NLRC5: variants seen among roughly 807,000 people sequenced by gnomAD.
NLRC5 encodes the protein NLR family CARD domain containing 5.
A neutral mutation model predicts 206.9 loss-of-function variants in NLRC5; 114 were observed. The ratio of observed to expected loss-of-function variants is 0.55; its 90% confidence interval spans 0.47 to 0.64. The LOEUF (loss-of-function observed/expected upper bound fraction) is 0.64. NLRC5 is among the 30% of genes least tolerant of loss of function. The pLI is 0.00. For missense variants in NLRC5, 2,008 were observed against 2,305.5 expected (o/e 0.87, Z 2.64); for synonymous variants, 952 against 962.8 (o/e 0.99, Z 0.21).
At chr16:57,061,776 C>G in intron 32 of NLRC5, 75 bp downstream of exon 32, 6 of 1,560,028 alleles carry the variant, frequency 3.8e-6, no homozygotes, top group Non-Finnish European at 5.2e-6. Flanking sequence ...GAGTAAGAGG[C>G]CCCCAGGATC....
intron 23 of NLRC5, among the ~76,000 whole-genome samples, chr16:57,049,087 A>G (rs1394666136): frequency 6.6e-6 from 1 of 151,800 alleles, no homozygotes; most frequent in Non-Finnish European, 1.5e-5. Flanking sequence ...ATACACTAAC[A>G]CTAGCGATAG....
chr16:57,029,995 C>T lies in NLRC5; in HGVS notation c.2328C>T (p.Asp776=). The T allele has an allele frequency of 6.2e-7, 1 of 1,614,146 alleles. No homozygotes were observed. The highest frequency in any genetic ancestry group is 8.5e-7 in the Non-Finnish European group (1 of 1,179,996). The change falls in exon 10 of 49, where the codon GAC becomes GAT. Residue 776 remains aspartate, a splice_region_variant and synonymous_variant. Transcript: ENST00000688547. The part of the protein sequence containing the change: ...LPHLPRLRKL[D]LSSNSICVST... ...TGACACCTTTGCCACAATCTTGCAG[C>T]CTGAGCAGCAACAGCATCTGCGTGT...
At position 57,023,442 on chromosome 16, in the gene NLRC5, A is replaced by G. The variant is rs368755124; in HGVS notation, c.356-343A>G. ...ACTTATATGACCACCGGCGGCTTCC[A>G]TAGAGCTTGGTCCTTCCCTGATGGA... On this transcript the variant is annotated intron_variant, in intron 4 of 48. Coordinates refer to ENST00000688547, the MANE Select transcript of NLRC5 (RefSeq NM_001384950.1). Among the ~76,000 whole-genome samples, 365 of 152,278 alleles carry G rather than the reference A, an allele frequency of 2.4e-3. 1 individual carries two copies. The highest frequency in any genetic ancestry group is 0.01 in the Middle Eastern group (3 of 294).
intron 19 of NLRC5, among the ~76,000 whole-genome samples, chr16:57,042,306 C>T (rs1367651566): frequency 6.6e-6 from 1 of 152,222 alleles, no homozygotes; most frequent in East Asian, 1.9e-4. Context: ...GTCTCCGCAT[C>T]TCTGAACAGG....
chr16:57,016,258 A>G (rs1341729836), intron 1 of NLRC5, among the ~76,000 whole-genome samples: 10 of 152,318 alleles, frequency 6.6e-5, no homozygotes, highest in Admixed American at 3.3e-4. Context: ...GACATATGTT[A>G]TTAGTCCCCC....
In NLRC5 at chr16:57,031,391, T is replaced by A; in HGVS notation, c.2418-13T>A. The A allele has an allele frequency of 1.9e-6, 3 of 1,613,950 alleles. No homozygotes were observed. The highest frequency in any genetic ancestry group is 2.5e-6 in the Non-Finnish European group (3 of 1,179,952). On this transcript the variant is annotated splice_polypyrimidine_tract_variant and intron_variant, in intron 10 of 48. Coordinates refer to ENST00000688547, the MANE Select transcript of NLRC5 (RefSeq NM_001384950.1). ...AGTCTCTGGGTTTCATGGCTTGGTA[T>A]CTGATCCTGCAGGGAGGCGGACCTC...
chr16:57,034,204 G>A lies in NLRC5; in HGVS notation c.2580G>A (p.Glu860=). 1 of 1,614,112 alleles carries A rather than the reference G, an allele frequency of 6.2e-7. No individual in the cohort carries two copies. The highest frequency in any genetic ancestry group is 8.5e-7 in the Non-Finnish European group (1 of 1,179,982). The change falls in exon 13 of 49, where the codon GAG becomes GAA. Residue 860 remains glutamate (E), a synonymous_variant. Coordinates refer to ENST00000688547, the MANE Select transcript of NLRC5 (RefSeq NM_001384950.1). ...QKCQLQVHDA[E]ALIALLQEGP... ...GTCAGCTCCAGGTCCACGATGCGGA[G>A]GCCCTCATAGCCCTGCTCCAGGAAG...
intron 11 of NLRC5, among the ~76,000 whole-genome samples, chr16:57,032,919 G>C (rs1254676270): frequency 6.6e-6 from 1 of 151,812 alleles, no homozygotes; most frequent in East Asian, 1.9e-4. Flanking sequence ...GATCACTTGA[G>C]CCCAGGAGTT....
chr16:57,041,395 C>T, intron 17 of NLRC5, 90 bp from the exon 18 acceptor site: 1 of 1,080,402 alleles, frequency 9.3e-7, no homozygotes. Flanking sequence ...AAGCCTCATT[C>T]TCTGCCTCTG....
At position 57,051,546 on chromosome 16, in the gene NLRC5, G is replaced by A; in HGVS notation, c.3431G>A (p.Cys1144Tyr). 1 of 1,613,746 alleles carries A rather than the reference G, an allele frequency of 6.2e-7. No homozygotes were observed. Among genetic ancestry groups the A allele is most frequent in the Non-Finnish European group, 8.5e-7 (1 of 1,179,650 alleles). ...CPGPLELQLS[C>Y]EFLSDQSLET... ...CCTGCTTTGTTTCACAGATTGTCCT[G>A]TGAGTTCCTGAGTGACCAGAGCCTG... The change falls in exon 24 of 49, where the codon TGT (cysteine) becomes TAT (tyrosine). Residue 1144 changes from cysteine (C) to tyrosine (Y), a missense_variant. Transcript: ENST00000688547.
chr16:57,014,188 G>C (rs2059787252), intron 1 of NLRC5: 2 of 178,854 alleles, frequency 1.1e-5, no homozygotes, highest in Non-Finnish European at 1.2e-5. Context: ...ATGGTGGCAG[G>C]AAAGAGACAG....
At position 57,054,846 on chromosome 16, in the gene NLRC5, C is replaced by T; in HGVS notation, c.3596+6C>T. Reference sequence around the variant, plus strand: ...GTTAAAAAGGTGGATCTCAGGTGGGCATTCCCCTGGGACAGCCAGGACTCG... The same window carrying T: ...GTTAAAAAGGTGGATCTCAGGTGGGTATTCCCCTGGGACAGCCAGGACTCG... On this transcript the variant is annotated splice_donor_region_variant and intron_variant, in intron 25 of 48. Coordinates refer to ENST00000688547, the MANE Select transcript of NLRC5 (RefSeq NM_001384950.1). 1.2e-6 allele frequency: 2 copies of T among 1,613,612 alleles called. No individual in the cohort carries two copies. The highest frequency in any genetic ancestry group is 1.7e-6 in the Non-Finnish European group (2 of 1,179,472).
At chr16:57,003,208 C>T (rs2058500072) in intron 1 of NLRC5, among the ~76,000 whole-genome samples, 1 of 152,144 alleles carries the variant, frequency 6.6e-6, no homozygotes, top group Non-Finnish European at 1.5e-5. Context: ...GCCACCACGC[C>T]TGGCTAATTT....
intron 43 of NLRC5, among the ~76,000 whole-genome samples, chr16:57,078,359 G>A (rs768603822): frequency 1.7e-4 from 26 of 152,094 alleles, no homozygotes; most frequent in South Asian, 6.2e-4. Flanking sequence ...AATCCTGGCA[G>A]AGGGCTTCGC....
At chr16:57,080,236 C>T (rs1391939381) in intron 46 of NLRC5, among the ~76,000 whole-genome samples, 1 of 152,140 alleles carries the variant, frequency 6.6e-6, no homozygotes, top group East Asian at 1.9e-4. Context: ...TCCTAAAGGT[C>T]TTAACCCTTC....
rs1191993747 is a variant in NLRC5 at position 57,074,671 on chromosome 16, T to G, written c.4739T>G (p.Leu1580Arg). The G allele has an allele frequency of 6.2e-7, 1 of 1,613,660 alleles. No homozygotes were observed. ...CACAGACTAAGCCAGATGACCTGCC[T>G]GCAGAGCCTCAGGTGAGTGACCGAG... ...LTHRLSQMTC[L>R]QSLRLNRNSI... The change falls in exon 39 of 49, where the codon CTG (leucine) becomes CGG (arginine). Residue 1580 changes from leucine (L) to arginine (R), a missense_variant. Transcript: ENST00000688547.
chr16:57,079,610 C>T lies in NLRC5; in HGVS notation c.5302C>T (p.Pro1768Ser). The T allele has an allele frequency of 6.2e-7, 1 of 1,613,954 alleles. No homozygotes were observed. Among genetic ancestry groups the T allele is most frequent in the Non-Finnish European group, 8.5e-7 (1 of 1,179,896 alleles). The change falls in exon 46 of 49, where the codon CCT (proline) becomes TCT (serine). Residue 1768 changes from proline to serine, a missense_variant. Physicochemically the swap from Pro to Ser is moderately conservative, Grantham distance 74. Transcript: ENST00000688547. ...KLLTSSFTSC[P>S]ALEVILLSWN... Reference sequence around the variant, plus strand: ...CCTCACCTCCAGCTTCACGAGCTGCCCTGCCCTGGAAGTAATCTTGTGAGT... The same window carrying T: ...CCTCACCTCCAGCTTCACGAGCTGCTCTGCCCTGGAAGTAATCTTGTGAGT...
In NLRC5 at chr16:57,001,679, G is replaced by A. The variant is rs370592615; in HGVS notation, c.-128+12062G>A. Among the ~76,000 whole-genome samples, 6 of 152,162 alleles carry A rather than the reference G, an allele frequency of 3.9e-5. No homozygotes were observed. In the East Asian group the frequency reaches 1.2e-3, roughly 29 times the overall value. On this transcript the variant is annotated intron_variant, in intron 1 of 48. Transcript: ENST00000688547. ...TTACATGAGATGTTTTGATATAGGC[G>A]TCCAGTGTGTAATCACATCAGGGTA...
At chr16:56,997,647 T>G (rs2057771199) in intron 1 of NLRC5, among the ~76,000 whole-genome samples, 1 of 152,126 alleles carries the variant, frequency 6.6e-6, no homozygotes. Context: ...ATATCACGGC[T>G]TACTGCGCCT....
Sources: gnomAD v4.1 joint callset for allele counts (sites outside exome capture counted in the v4.1 genomes callset) on GRCh38, gnomAD v4.1.1 for gene constraint, MANE v1.5 for transcripts, NCBI Gene and HGNC (gene_info 2026-07-23, HGNC 2026-07-21) for gene names.